Variants in GIT2 observed in about 807,000 individuals in gnomAD.
GIT2 encodes the protein ARF GTPase-activating protein GIT2.
GIT2 carries 32 observed loss-of-function variants against 100.3 expected under a neutral mutation model. That is an observed-to-expected ratio of 0.32 (90% CI 0.24 to 0.43). The LOEUF (loss-of-function observed/expected upper bound fraction) is 0.43, where lower values mean the gene tolerates loss of function less well. GIT2 is among the 20% of genes least tolerant of loss of function. The pLI, the probability that GIT2 is intolerant of heterozygous loss-of-function variation, is 1.00. For synonymous variants in GIT2, 353 were observed against 364.1 expected, an observed-to-expected ratio of 0.97 and a Z score of 0.35; for missense variants, 737 against 975.1, an observed-to-expected ratio of 0.76 and a Z score of 3.25.
At chr12:109,955,231 C>T (rs1272120009) in intron 12 of GIT2, among the ~76,000 whole-genome samples, 1 of 152,116 alleles carries the variant, frequency 6.6e-6, no homozygotes, top group African/African-American at 2.4e-5. Flanking sequence ...TCACGCCATT[C>T]TCCTGCCTCA....
At chr12:109,959,175 C>T (rs931745736) in intron 12 of GIT2, among the ~76,000 whole-genome samples, 1 of 151,078 alleles carries the variant, frequency 6.6e-6, no homozygotes, top group Admixed American at 6.6e-5. Flanking sequence ...TCAAGTGATT[C>T]TCCTGCCTCA....
chr12:109,987,740 T>C (rs1449618789), intron 4 of GIT2, among the ~76,000 whole-genome samples: 1 of 152,124 alleles, frequency 6.6e-6, no homozygotes, highest in African/African-American at 2.4e-5. Context: ...AGTGCTGGGA[T>C]TACAGGAGTG....
intron 12 of GIT2, among the ~76,000 whole-genome samples, chr12:109,957,588 G>T (rs887824087): frequency 4.0e-5 from 6 of 150,938 alleles, no homozygotes; most frequent in African/African-American, 1.5e-4. Context: ...CTCACTGCAA[G>T]CTCCACCTCC....
At chr12:109,957,167 G>A (rs1453576688) in intron 12 of GIT2, among the ~76,000 whole-genome samples, 1 of 152,128 alleles carries the variant, frequency 6.6e-6, no homozygotes, top group Non-Finnish European at 1.5e-5. Context: ...TTGGGTCATG[G>A]GGGTGGATCC....
chr12:109,977,775 T>C (rs1015428922), intron 7 of GIT2, among the ~76,000 whole-genome samples: 4 of 151,858 alleles, frequency 2.6e-5, no homozygotes, highest in South Asian at 2.1e-4. Flanking sequence ...TGAGCCAAGA[T>C]TGCACCACTG....
rs912003107 is a variant in GIT2 at position 109,991,527 on chromosome 12, T to G, written c.186+100A>C. On this transcript the variant is annotated intron_variant, in intron 2 of 19. Transcript: ENST00000355312. ...ATCTCTATTCAATTATGAAACAGTT[T>G]TGTCTTATGGAAGAAGTACACCAGG... 4 of 872,396 alleles carry G rather than the reference T, an allele frequency of 4.6e-6. No homozygotes were observed. The Admixed American group carries it at 8.6e-5, about 19-fold the overall frequency. 54.0% of individuals were successfully genotyped at this position (872,396 alleles called of 1,614,324 possible). A position where few individuals can be genotyped will look rare whatever the true frequency, so the allele number is the denominator to read the frequency against.
At position 109,951,295 on chromosome 12, in the gene GIT2, C is replaced by T; in HGVS notation, c.1264G>A (p.Asp422Asn). 1 of 1,611,956 alleles carries T rather than the reference C, an allele frequency of 6.2e-7. No individual in the cohort carries two copies. Among genetic ancestry groups the T allele is most frequent in the African/African-American group, 1.3e-5 (1 of 75,006 alleles). Residue 422 changes from aspartate (D) to asparagine (N), a missense_variant, in exon 14 of 20, where the codon GAT (aspartate) becomes AAT (asparagine). Physicochemically the swap from Asp to Asn is conservative, Grantham distance 23. Transcript: ENST00000355312. Reference protein sequence around the residue: ...RQKSLDSDLSDGPVTVQEFME... With the variant: ...RQKSLDSDLSNGPVTVQEFME... The stretch of plus-strand genomic sequence containing the variant: ...AATTCCTGTACAGTGACTGGTCCAT[C>T]TGATAAATCTGAATCTAGGCTCTAA...
In GIT2 at chr12:109,996,179, C is replaced by A. The variant is rs1352605587; in HGVS notation, c.46G>T (p.Gly16Trp). Reference protein sequence around the residue: ...RSSEVCADCSGPDPSWASVNR... With the variant: ...RSSEVCADCSWPDPSWASVNR... Reference sequence around the variant, plus strand: ...CCCGGCCGGTGCGACTCACCCGGCCCGCTGCAGTCAGCGCACACCTCGCTG... The same window carrying A: ...CCCGGCCGGTGCGACTCACCCGGCCAGCTGCAGTCAGCGCACACCTCGCTG... Residue 16 changes from glycine to tryptophan, a missense_variant, in exon 1 of 20, where the codon GGG becomes TGG. Gly to Trp is a radical substitution (Grantham distance 184, BLOSUM62 -2). Transcript: ENST00000355312. The A allele has an allele frequency of 1.3e-6, 2 of 1,523,874 alleles. No homozygotes were observed. The highest frequency in any genetic ancestry group is 2.0e-5 in the Admixed American group (1 of 49,002). 94.4% of individuals were successfully genotyped at this position (1,523,874 alleles called of 1,614,324 possible). A position where few individuals can be genotyped will look rare whatever the true frequency, so the allele number is the denominator to read the frequency against.
At chr12:109,960,665 A>G (rs1593036455) in intron 11 of GIT2, among the ~76,000 whole-genome samples, 1 of 152,234 alleles carries the variant, frequency 6.6e-6, no homozygotes, top group African/African-American at 2.4e-5. Context: ...ATAAAGACTA[A>G]AACACCTTCA....
rs78399408 is a variant in GIT2, at chr12:109,957,687, T to C, written c.1099+2160A>G. ...ATGCCCAGCTAATTTTTTATATTTTTAGTAGAGACAGGATTTCACCGTGTT... is the reference window on the plus strand; with the variant it reads ...ATGCCCAGCTAATTTTTTATATTTTCAGTAGAGACAGGATTTCACCGTGTT... On this transcript the variant is annotated intron_variant, in intron 12 of 19. Transcript: ENST00000355312. Among the ~76,000 whole-genome samples the C allele has an allele frequency of 6.2e-3, 941 of 151,954 alleles. 37 individuals are homozygous for C. The East Asian group carries it at 0.098, about 16-fold the overall frequency.
intron 1 of GIT2, 94 bp downstream of exon 1, chr12:109,996,079 G>A: frequency 2.6e-6 from 2 of 779,776 alleles, no homozygotes; most frequent in Non-Finnish European, 3.8e-6. Context: ...TGCGACCCTA[G>A]CCGCGGGATG....
chr12:109,969,496 T>G (rs1348916222), intron 7 of GIT2, among the ~76,000 whole-genome samples: 1 of 151,874 alleles, frequency 6.6e-6, no homozygotes, highest in Non-Finnish European at 1.5e-5. Flanking sequence ...GAAGTATAAT[T>G]TATCAATATT....
intron 7 of GIT2, among the ~76,000 whole-genome samples, chr12:109,979,305 T>G (rs977931750): frequency 7.6e-6 from 1 of 131,058 alleles, no homozygotes; most frequent in Non-Finnish European, 1.6e-5. Context: ...AGATGGAGTC[T>G]CATTCTGTCA....
In GIT2 at chr12:109,938,475, A is replaced by T. The variant is rs1565933591; in HGVS notation, c.1908T>A (p.Thr636=). Residue 636 remains threonine, a synonymous_variant, in exon 18 of 20, where the codon ACT becomes ACA. Coordinates refer to ENST00000355312, the MANE Select transcript of GIT2 (RefSeq NM_057169.5). Reference sequence around the variant, plus strand: ...TGATGACATCTTCGGTGCTAGGGAGAGTGGGGCTTGGGGCCACATGGGGTT... The same window carrying T: ...TGATGACATCTTCGGTGCTAGGGAGTGTGGGGCTTGGGGCCACATGGGGTT... ...TAEPHVAPSP[T]LPSTEDVIRK... is the part of the protein sequence containing the mutation. 6.2e-7 allele frequency: 1 copy of T among 1,613,718 alleles called. No individual in the cohort carries two copies. The highest frequency in any genetic ancestry group is 2.2e-5 in the East Asian group (1 of 44,864).
intron 2 of GIT2, among the ~76,000 whole-genome samples, chr12:109,990,650 A>C (rs924023141): frequency 6.6e-6 from 1 of 152,226 alleles, no homozygotes; most frequent in African/African-American, 2.4e-5. Context: ...TGAAATGTGT[A>C]ATCAAGACAA....
intron 7 of GIT2, among the ~76,000 whole-genome samples, chr12:109,976,912 T>C (rs1391651564): frequency 6.6e-6 from 1 of 152,148 alleles, no homozygotes; most frequent in African/African-American, 2.4e-5. Flanking sequence ...CTTTAAGATA[T>C]GTATGACAAT....
rs966991089 is a variant in GIT2, at chr12:109,989,542, C to A, written c.299+148G>T. On this transcript the variant is annotated intron_variant, in intron 3 of 19. Transcript: ENST00000355312. ...GATGGTCCTGCCCCACCCCATTCTG[C>A]ATTTCTAATAGCAAAGAACCTGATG... 1.5e-5 allele frequency: 9 copies of A among 600,712 alleles called. No homozygotes were observed. In the Admixed American group the frequency reaches 1.5e-4, roughly 10 times the overall value. The allele number at this position is 600,712 out of a possible 1,614,324, so 37.2% of individuals were successfully genotyped here.
At chr12:109,944,173 C>G (rs566340461) in intron 16 of GIT2, among the ~76,000 whole-genome samples, 2 of 152,226 alleles carry the variant, frequency 1.3e-5, no homozygotes, top group South Asian at 2.1e-4. Context: ...ACATGAGACT[C>G]TGTCTCTAAA....
At chr12:109,955,134 C>CT (rs1048081993) in intron 12 of GIT2, among the ~76,000 whole-genome samples, 1 of 151,708 alleles carries the variant, frequency 6.6e-6, no homozygotes, top group African/African-American at 2.4e-5. Context: ...ATGTTCTTTT[C>CT]TTTTTTTGAG....
Sources: allele counts gnomAD v4.1 joint callset (sites outside exome capture counted in the v4.1 genomes callset), GRCh38; gene constraint gnomAD v4.1.1; transcripts MANE v1.5; gene names NCBI Gene and HGNC (gene_info 2026-07-23, HGNC 2026-07-21).